The following ZBTB16 variants were observed in gnomAD, a reference collection of about 807,000 sequenced individuals.
ZBTB16 encodes zinc finger and BTB domain containing 16.
In ZBTB16, 8 loss-of-function variants were observed where a neutral mutation model predicts 56.8. The observed-to-expected ratio is 0.14, with a 90% CI of 0.08 to 0.25. The LOEUF (loss-of-function observed/expected upper bound fraction) is 0.25, where lower values mean the gene tolerates loss of function less well. Among genes scored for constraint, ZBTB16 ranks in the 10% least tolerant of loss-of-function variants. The pLI, the probability that ZBTB16 is intolerant of heterozygous loss-of-function variation, is 1.00. For synonymous variants in ZBTB16, 363 were observed against 368.5 expected (o/e 0.98, Z 0.17); for missense variants, 625 against 903.0 (o/e 0.69, Z 3.95).
At chr11:114,151,438 C>T (rs949661127) in intron 2 of ZBTB16, among the ~76,000 whole-genome samples, 2 of 152,172 alleles carry the variant, frequency 1.3e-5, no homozygotes, top group African/African-American at 2.4e-5. Flanking sequence ...CATTCAAAGG[C>T]GGGAGAGAGC....
chr11:114,178,692 A>G (rs1943177770), intron 3 of ZBTB16, among the ~76,000 whole-genome samples: 3 of 152,152 alleles, frequency 2.0e-5, no homozygotes, highest in Non-Finnish European at 4.4e-5. Flanking sequence ...GACTTGAGAG[A>G]GGGACTGCAG....
intron 4 of ZBTB16, among the ~76,000 whole-genome samples, chr11:114,232,775 G>A (rs1012066537): frequency 6.6e-6 from 1 of 152,158 alleles, no homozygotes; most frequent in East Asian, 1.9e-4. Flanking sequence ...CATTTGTTCC[G>A]GGCCTGCGCA....
chr11:114,155,703 A>T (rs1942392608), intron 2 of ZBTB16, among the ~76,000 whole-genome samples: 1 of 152,224 alleles, frequency 6.6e-6, no homozygotes. Flanking sequence ...AGACAGAGGG[A>T]AGACACTTCT....
At chr11:114,131,611 C>G (rs529674146) in intron 2 of ZBTB16, among the ~76,000 whole-genome samples, 2 of 152,308 alleles carry the variant, frequency 1.3e-5, no homozygotes, top group South Asian at 2.1e-4. Flanking sequence ...ATGAGGGCCA[C>G]ACTAGCTTTA....
At chr11:114,229,237 A>T (rs1364820966) in intron 4 of ZBTB16, among the ~76,000 whole-genome samples, 1 of 152,244 alleles carries the variant, frequency 6.6e-6, no homozygotes, top group Non-Finnish European at 1.5e-5. Flanking sequence ...AATGCGACAC[A>T]GTAGCCCAAC....
At chr11:114,249,079 C>G (rs2135215137) in intron 6 of ZBTB16, among the ~76,000 whole-genome samples, 1 of 152,184 alleles carries the variant, frequency 6.6e-6, no homozygotes, top group Non-Finnish European at 1.5e-5. Context: ...GCTGTGCACT[C>G]CCAGGTTCTT....
intron 2 of ZBTB16, among the ~76,000 whole-genome samples, chr11:114,092,542 C>T (rs1940231525): frequency 6.6e-6 from 1 of 152,218 alleles, no homozygotes; most frequent in Non-Finnish European, 1.5e-5. Flanking sequence ...CTCTGCTCCC[C>T]CTCCTTTTCT....
At chr11:114,201,474 T>C (rs925833044) in intron 4 of ZBTB16, among the ~76,000 whole-genome samples, 1 of 152,232 alleles carries the variant, frequency 6.6e-6, no homozygotes, top group African/African-American at 2.4e-5. Flanking sequence ...TGAGACAGTG[T>C]GGCAAATGCT....
At chr11:114,198,915 C>T (rs1943667694) in intron 4 of ZBTB16, among the ~76,000 whole-genome samples, 1 of 152,210 alleles carries the variant, frequency 6.6e-6, no homozygotes, top group Non-Finnish European at 1.5e-5. Context: ...CTTTCATCAC[C>T]CCAGCACATT....
chr11:114,233,485 C>T (rs974008361), intron 4 of ZBTB16, among the ~76,000 whole-genome samples: 13 of 152,110 alleles, frequency 8.5e-5, no homozygotes, highest in Non-Finnish European at 1.8e-4. Flanking sequence ...CTAGAAAGGG[C>T]AACGCAGCGT....
intron 2 of ZBTB16, among the ~76,000 whole-genome samples, chr11:114,110,098 G>A (rs1325703280): frequency 6.6e-6 from 1 of 152,032 alleles, no homozygotes; most frequent in African/African-American, 2.4e-5. Context: ...GGGGACTTAG[G>A]TGCAAATGTG....
At chr11:114,126,363 C>T (rs1989278) in intron 2 of ZBTB16, among the ~76,000 whole-genome samples, 57,532 of 152,020 alleles carry the variant, frequency 0.38, 11,197 homozygotes, top group Admixed American at 0.47. Context: ...TTCCTGGCAG[C>T]TGTCCATTCC....
chr11:114,095,930 A>T (rs1326889873), intron 2 of ZBTB16, among the ~76,000 whole-genome samples: 2 of 152,176 alleles, frequency 1.3e-5, no homozygotes, highest in African/African-American at 4.8e-5. Context: ...ATTCTCTCTG[A>T]TAGGTTGCCT....
At chr11:114,146,286 G>A (rs1282408072) in intron 2 of ZBTB16, among the ~76,000 whole-genome samples, 4 of 151,992 alleles carry the variant, frequency 2.6e-5, no homozygotes, top group Non-Finnish European at 5.9e-5. Context: ...GAATGCTCTC[G>A]GTGACTCCTT....
At chr11:114,167,987 G>A (rs751557019) in intron 3 of ZBTB16, among the ~76,000 whole-genome samples, 15 of 152,202 alleles carry the variant, frequency 9.9e-5, no homozygotes, top group Admixed American at 3.9e-4. Context: ...ACAAGAGGCC[G>A]CCCTCCATCT....
At chr11:114,146,454 A>G (rs1357780683) in intron 2 of ZBTB16, among the ~76,000 whole-genome samples, 2 of 152,094 alleles carry the variant, frequency 1.3e-5, no homozygotes, top group Non-Finnish European at 2.9e-5. Context: ...AATGGGCTCT[A>G]TACTGTCCAT....
At chr11:114,103,869 C>T (rs1030341394) in intron 2 of ZBTB16, among the ~76,000 whole-genome samples, 13 of 152,134 alleles carry the variant, frequency 8.5e-5, no homozygotes, top group Non-Finnish European at 1.8e-4. Context: ...CTGAACAACC[C>T]TCCCTGACCC....
chr11:114,098,618 A>C (rs189798540), intron 2 of ZBTB16, among the ~76,000 whole-genome samples: 119 of 151,948 alleles, frequency 7.8e-4, no homozygotes, highest in Non-Finnish European at 1.2e-3. Flanking sequence ...AGAAATTCTA[A>C]CCTCCTCGTC....
intron 4 of ZBTB16, among the ~76,000 whole-genome samples, chr11:114,238,627 G>A (rs1345930285): frequency 6.6e-6 from 1 of 152,104 alleles, no homozygotes; most frequent in Non-Finnish European, 1.5e-5. Context: ...AGGAATCAGA[G>A]GGGGACCCAG....
Sources: gnomAD v4.1 joint callset for allele counts (sites outside exome capture counted in the v4.1 genomes callset) on GRCh38, gnomAD v4.1.1 for gene constraint, MANE v1.5 for transcripts, NCBI Gene and HGNC (gene_info 2026-07-23, HGNC 2026-07-21) for gene names.